The following FAT4 variants were observed in gnomAD, a reference collection of about 807,000 sequenced individuals.
The protein encoded by FAT4 is protocadherin Fat 4.
Under a neutral mutation model 303.9 loss-of-function variants are expected in FAT4, and 84 were observed. That is an observed-to-expected ratio of 0.28 (90% CI 0.23 to 0.33). The LOEUF is 0.33. Ranked by LOEUF, FAT4 falls within the 10% of genes least tolerant of loss-of-function variation. The probability of loss-of-function intolerance (pLI) is 1.00; values close to 1 mark genes in which losing one functional copy is unlikely to be tolerated. For synonymous variants in FAT4, 2,307 were observed against 2,298.8 expected, an observed-to-expected ratio of 1.00 and a Z score of -0.10; for missense variants, 6,005 against 6,146.8, an observed-to-expected ratio of 0.98 and a Z score of 0.77.
At chr4:125,330,175 T>C (rs1000471540) in intron 2 of FAT4, among the ~76,000 whole-genome samples, 6 of 152,226 alleles carry the variant, frequency 3.9e-5, no homozygotes, top group Non-Finnish European at 8.8e-5. Context: ...TAGAACACCC[T>C]TTCTCCAGAC....
intron 10 of FAT4, among the ~76,000 whole-genome samples, chr4:125,456,340 A>G (rs185771683): frequency 3.0e-4 from 45 of 152,302 alleles, no homozygotes; most frequent in African/African-American, 1.1e-3. Flanking sequence ...GAAGTTATAC[A>G]TTAACGTTAC....
intron 17 of FAT4, among the ~76,000 whole-genome samples, chr4:125,489,385 C>T (rs1297406950): frequency 2.6e-5 from 4 of 152,134 alleles, no homozygotes; most frequent in African/African-American, 9.7e-5. Context: ...GGCCCACAAA[C>T]CATTGTAATA....
chr4:125,317,284 C>T lies in FAT4; in HGVS notation c.873C>T (p.Asp291=), dbSNP rs1185505372. The T allele has an allele frequency of 6.3e-7, 1 of 1,588,582 alleles. No homozygotes were observed. Among genetic ancestry groups the T allele is most frequent in the Non-Finnish European group, 8.6e-7 (1 of 1,165,022 alleles). The change falls in exon 2 of 18, where the codon GAC becomes GAT. Residue 291 remains aspartate, a synonymous_variant. Coordinates refer to ENST00000394329, the MANE Select transcript of FAT4 (RefSeq NM_001291303.3). This position sits in a 1 kb window ranked among gnomAD's most constrained non-coding sequence, Gnocchi z 7.0. ...CGGACATCCGCTATCGCCTGCAGGACGAGGGGACCCCCTTCCAAATGGACC... is the reference window on the plus strand; with the variant it reads ...CGGACATCCGCTATCGCCTGCAGGATGAGGGGACCCCCTTCCAAATGGACC... ...TNADIRYRLQ[D]EGTPFQMDPE...
At chr4:125,419,452 G>A (rs1481763708) in intron 7 of FAT4, among the ~76,000 whole-genome samples, 1 of 152,034 alleles carries the variant, frequency 6.6e-6, no homozygotes, top group African/African-American at 2.4e-5. Context: ...CCTCCAAAAC[G>A]ACCTCCTTAG....
Position 125,450,503 on chromosome 4 carries a change from A to G in FAT4, c.9493A>G (p.Thr3165Ala), listed in dbSNP as rs748881087. 2 of 1,614,116 alleles carry G rather than the reference A, an allele frequency of 1.2e-6. No individual in the cohort carries two copies. Among genetic ancestry groups the G allele is most frequent in the South Asian group, 1.1e-5 (1 of 91,078 alleles). Residue 3165 changes from threonine (T) to alanine (A), a missense_variant, in exon 10 of 18, where the codon ACG becomes GCG. Physicochemically the swap from Thr to Ala is moderately conservative, Grantham distance 58 (BLOSUM62 0). Coordinates refer to ENST00000394329, the MANE Select transcript of FAT4 (RefSeq NM_001291303.3). ...DYELCQKHEM[T>A]ISAIDGGWVA... The stretch of plus-strand genomic sequence containing the variant: ...TGAGCTATGCCAGAAACACGAAATG[A>G]CGATTAGTGCTATAGATGGAGGATG...
intron 7 of FAT4, among the ~76,000 whole-genome samples, chr4:125,433,394 A>G (rs982203268): frequency 6.6e-6 from 1 of 152,158 alleles, no homozygotes; most frequent in Non-Finnish European, 1.5e-5. Flanking sequence ...CATTGTTTCT[A>G]TTTAGAAGAG....
chr4:125,349,591 AAGC>A (rs1232259544), intron 2 of FAT4, among the ~76,000 whole-genome samples: 3 of 151,790 alleles, frequency 2.0e-5, no homozygotes, highest in African/African-American at 7.2e-5. Context: ...ATGGTGACAT[AAGC>A]AGCCAAATAG....
At chr4:125,421,205 G>A (rs1724872032) in intron 7 of FAT4, among the ~76,000 whole-genome samples, 1 of 152,158 alleles carries the variant, frequency 6.6e-6, no homozygotes, top group Admixed American at 6.6e-5. Context: ...GTGAGCCACT[G>A]CGCCTGGCCT....
intron 5 of FAT4, among the ~76,000 whole-genome samples, chr4:125,411,058 A>T (rs1193065752): frequency 2.6e-5 from 4 of 152,078 alleles, no homozygotes; most frequent in Admixed American, 1.3e-4. Context: ...TTCACAGACA[A>T]TATTAGTCAG....
chr4:125,432,809 A>G (rs993753449), intron 7 of FAT4, among the ~76,000 whole-genome samples: 3 of 22,848 alleles, frequency 1.3e-4, no homozygotes, highest in African/African-American at 4.3e-4. Context: ...TTAATATAAA[A>G]TATCTTATGA....
chr4:125,397,332 T>C (rs1253610486), intron 2 of FAT4, among the ~76,000 whole-genome samples: 1 of 152,156 alleles, frequency 6.6e-6, no homozygotes, highest in African/African-American at 2.4e-5. Flanking sequence ...CTAATAAGTG[T>C]CAGACAGGAA....
intron 2 of FAT4, among the ~76,000 whole-genome samples, chr4:125,374,456 A>G (rs1383674883): frequency 6.6e-6 from 1 of 152,234 alleles, no homozygotes; most frequent in Non-Finnish European, 1.5e-5. Flanking sequence ...GGTGCTATCA[A>G]TAAGAAGCCA....
intron 16 of FAT4, 42 bp from the exon 17 acceptor site, chr4:125,487,303 T>C: frequency 6.4e-7 from 1 of 1,558,514 alleles, no homozygotes; most frequent in Non-Finnish European, 8.7e-7. Flanking sequence ...TATTTAAGCA[T>C]ACCATATTTT....
At chr4:125,448,387 A>G (rs1725903033) in intron 9 of FAT4, 74 bp from the exon 10 acceptor site, 2 of 1,336,720 alleles carry the variant, frequency 1.5e-6, no homozygotes, top group Non-Finnish European at 1.0e-6. Flanking sequence ...AGAGTGTCTT[A>G]TATGCACTTA....
intron 7 of FAT4, among the ~76,000 whole-genome samples, chr4:125,427,912 A>G (rs541859515): frequency 6.6e-6 from 1 of 152,216 alleles, no homozygotes; most frequent in Non-Finnish European, 1.5e-5. Flanking sequence ...TGACATTTGA[A>G]CTTCAATCGT....
At chr4:125,429,491 A>AT (rs35139489) in intron 7 of FAT4, among the ~76,000 whole-genome samples, 2 of 152,140 alleles carry the variant, frequency 1.3e-5, no homozygotes, top group African/African-American at 2.4e-5. Context: ...CTTAGAAAAG[A>AT]TTTTTTTTAA....
Position 125,318,103 on chromosome 4 carries a change from C to T in FAT4, c.1692C>T (p.Ser564=), listed in dbSNP as rs1396703056. The change falls in exon 2 of 18, where the codon TCC becomes TCT. Residue 564 remains serine (S), a synonymous_variant. Transcript: ENST00000394329. ...ACCAGGGAGTTCACCCCAAGGTGTC[C>T]TATGCCCAGCTTGTAGTAACTCTCC... ...ARDQGVHPKV[S]YAQLVVTLLD... 2.0e-5 allele frequency: 32 copies of T among 1,614,138 alleles called. No homozygotes were observed. The highest frequency in any genetic ancestry group is 2.5e-5 in the Non-Finnish European group (30 of 1,180,024).
chr4:125,431,561 G>A (rs1013065285), intron 7 of FAT4, among the ~76,000 whole-genome samples: 1 of 152,130 alleles, frequency 6.6e-6, no homozygotes, highest in African/African-American at 2.4e-5. Flanking sequence ...ACAAGTACAA[G>A]AAGAACAATG....
intron 2 of FAT4, among the ~76,000 whole-genome samples, chr4:125,332,159 CTTTTTT>C (rs199702900): frequency 6.0e-5 from 8 of 133,304 alleles, no homozygotes; most frequent in Non-Finnish European, 9.5e-5. Context: ...CCGTTCCATT[CTTTTTT>C]TTTTTTTTTT....
Sources: gnomAD v4.1 joint callset for allele counts (sites outside exome capture counted in the v4.1 genomes callset) on GRCh38, gnomAD v4.1.1 for gene constraint, Gnocchi (gnomAD v3.1) non-coding constraint, MANE v1.5 for transcripts, NCBI Gene and HGNC (gene_info 2026-07-23, HGNC 2026-07-21) for gene names.